IFT46: variants seen among roughly 807,000 people sequenced by gnomAD.
IFT46 encodes the protein intraflagellar transport 46.
A neutral mutation model predicts 39.6 loss-of-function variants in IFT46; 19 were observed. That is an observed-to-expected ratio of 0.48 (90% CI 0.33 to 0.70). The LOEUF is 0.70. Ranked by LOEUF, IFT46 falls within the 30% of genes least tolerant of loss-of-function variation. IFT46 has a pLI of 0.01. For synonymous variants in IFT46, 117 were observed against 134.8 expected, an observed-to-expected ratio of 0.87 and a Z score of 0.91; for missense variants, 334 against 364.8, an observed-to-expected ratio of 0.92 and a Z score of 0.69.
upstream of IFT46, among the ~76,000 whole-genome samples, chr11:118,570,132 C>T (rs1486874237): frequency 6.6e-6 from 1 of 150,784 alleles, no homozygotes; most frequent in Non-Finnish European, 1.5e-5. Context: ...TCACTGCAAC[C>T]CAACCTCCGC....
At chr11:118,572,361 C>CCCCCCCCCCCT in intron 1 of IFT46, 1 of 189,956 alleles carries the variant, frequency 5.3e-6, no homozygotes, top group Admixed American at 6.3e-5. Flanking sequence ...CCCCCCCCCG[C>CCCCCCCCCCCT]CCTTTGACCT....
At chr11:118,572,073 G>C (rs1422518106) in intron 1 of IFT46, among the ~76,000 whole-genome samples, 1 of 148,310 alleles carries the variant, frequency 6.7e-6, no homozygotes, top group African/African-American at 2.5e-5. Context: ...CTGGGCGACA[G>C]AGTGAGACTC....
rs1222446247 is a variant in IFT46, at chr11:118,549,050, C to T, written c.672+2736G>A. On this transcript the variant is annotated intron_variant, in intron 9 of 11. Transcript: ENST00000264021. ...TAGCTGGGATTACAGGTGCCTGCCA[C>T]AACACCCAGCTATTTTTTTAATTTT... 2.0e-5 allele frequency among the ~76,000 whole-genome samples: 3 copies of T among 151,984 alleles called. No homozygotes were observed. In the East Asian group the frequency reaches 5.8e-4, roughly 29 times the overall value.
chr11:118,569,809 T>A (rs146256098), upstream of IFT46, among the ~76,000 whole-genome samples: 118 of 152,316 alleles, frequency 7.7e-4, no homozygotes, highest in Non-Finnish European at 1.3e-3. Flanking sequence ...ATGCTGTAAG[T>A]GTTCAATAAA....
At chr11:118,545,695 A>C (rs1355080554) in intron 10 of IFT46, 98 bp downstream of exon 10, 19 of 1,359,224 alleles carry the variant, frequency 1.4e-5, no homozygotes, top group Non-Finnish European at 1.9e-5. Context: ...TGAAGGCTGA[A>C]ACTCAAGATA....
chr11:118,575,178 C>T (rs1938461797), upstream of IFT46, among the ~76,000 whole-genome samples: 2 of 152,104 alleles, frequency 1.3e-5, no homozygotes, highest in South Asian at 2.1e-4. Flanking sequence ...CGGGGTTTCA[C>T]CATGTTAGCC....
In IFT46 at chr11:118,561,207, C is replaced by T. The variant is rs573260001; in HGVS notation, c.-35-1343G>A. The T allele has an allele frequency of 1.3e-4, 182 of 1,380,610 alleles. 5 individuals are homozygous for T. In the South Asian group the frequency reaches 2.1e-3, roughly 16 times the overall value. 85.5% of individuals were successfully genotyped at this position (1,380,610 alleles called of 1,614,324 possible). A position where few individuals can be genotyped will look rare whatever the true frequency, so the allele number is the denominator to read the frequency against. On this transcript the variant is annotated intron_variant, in intron 2 of 11. Transcript: ENST00000264021. Reference sequence around the variant, plus strand: ...GCTGTGGATGGAGGCTTGTCTGTCCCTCACAGTACCAAACGATTCCCTAGT... The same window carrying T: ...GCTGTGGATGGAGGCTTGTCTGTCCTTCACAGTACCAAACGATTCCCTAGT...
chr11:118,560,265 A>C (rs1272451849), intron 2 of IFT46: 2 of 178,168 alleles, frequency 1.1e-5, no homozygotes, highest in Non-Finnish European at 2.3e-5. Context: ...AAAAAAGAAA[A>C]AAAATTAGCT....
At chr11:118,550,339 C>T (rs1421036339) in intron 9 of IFT46, among the ~76,000 whole-genome samples, 1 of 152,150 alleles carries the variant, frequency 6.6e-6, no homozygotes, top group African/African-American at 2.4e-5. Context: ...TTATAAGACA[C>T]TTGAATTTTT....
At chr11:118,572,591 C>T (rs782599132) in intron 1 of IFT46, 2 of 1,596,624 alleles carry the variant, frequency 1.3e-6, no homozygotes, top group East Asian at 2.3e-5. Context: ...GGGTCCGAGC[C>T]TCACCGTCTC....
Position 118,572,874 on chromosome 11 carries a change from C to T in IFT46, c.-411G>A, listed in dbSNP as rs1220169902. The T allele has an allele frequency of 1.1e-5, 4 of 374,246 alleles. No homozygotes were observed. In the East Asian group the frequency reaches 1.8e-4, roughly 16 times the overall value. The allele number at this position is 374,246 out of a possible 1,614,324, so 23.2% of individuals were successfully genotyped here. A position where few individuals can be genotyped will look rare whatever the true frequency, so the allele number is the denominator to read the frequency against. The stretch of plus-strand genomic sequence containing the variant: ...TCGTGGTGGTGGTGCGGGTCCCAGG[C>T]TGCGGACCTCGGAACTGATGCTGTC... On this transcript the variant is annotated 5_prime_UTR_variant, in exon 1 of 6. Coordinates refer to the IFT46 transcript ENST00000528378.
upstream of IFT46, chr11:118,573,862 A>G (rs1565356355): frequency 7.6e-6 from 4 of 523,218 alleles, no homozygotes; most frequent in Non-Finnish European, 1.4e-5. Flanking sequence ...TTGTATTTTC[A>G]GTTTCTCCAG....
intron 7 of IFT46, among the ~76,000 whole-genome samples, chr11:118,553,681 A>G (rs1555068896): frequency 2.6e-5 from 4 of 152,240 alleles, no homozygotes; most frequent in Non-Finnish European, 4.4e-5. Flanking sequence ...ATAACAATAT[A>G]TACCTACACA....
At chr11:118,557,786 A>G in intron 3 of IFT46, 1 of 1,614,112 alleles carries the variant, frequency 6.2e-7, no homozygotes, top group South Asian at 1.1e-5. Context: ...TCTCAAGTAC[A>G]TGAGAAGGGG....
intron 9 of IFT46, among the ~76,000 whole-genome samples, chr11:118,550,713 T>A (rs1254465476): frequency 6.6e-6 from 1 of 152,190 alleles, no homozygotes; most frequent in Non-Finnish European, 1.5e-5. Flanking sequence ...ATACCCTAAT[T>A]CTATCACCAA....
intron 3 of IFT46, chr11:118,557,978 G>T: frequency 8.6e-7 from 1 of 1,156,284 alleles, no homozygotes; most frequent in Non-Finnish European, 1.2e-6. Flanking sequence ...AGGTTAACAC[G>T]TTTGATTCCA....
At chr11:118,551,046 A>AG (rs1207951305) in intron 9 of IFT46, among the ~76,000 whole-genome samples, 2 of 148,042 alleles carry the variant, frequency 1.4e-5, no homozygotes, top group African/African-American at 5.0e-5. Context: ...AAAAAAAAAA[A>AG]CTATCTTTCT....
chr11:118,557,029 G>C lies in IFT46; in HGVS notation c.62C>G (p.Ser21Ter). Residue 21 changes from serine (S) to a stop codon, truncating the protein, a stop_gained, in exon 4 of 12, where the codon TCA becomes TGA. Transcript: ENST00000264021. LOFTEE classifies it high-confidence loss of function. ...AAAGCCCCGTTGAGGTGTCAACTGT[G>C]AGGTCTTCTTCTTCTCCTGTGATAG... ...EENNKEKKKT[S>*]QLTPQRGFSE... The C allele has an allele frequency of 6.2e-7, 1 of 1,605,342 alleles. No homozygotes were observed. The highest frequency in any genetic ancestry group is 8.5e-7 in the Non-Finnish European group (1 of 1,176,456).
chr11:118,568,990 T>G (rs1405897071), upstream of IFT46, among the ~76,000 whole-genome samples: 1 of 151,622 alleles, frequency 6.6e-6, no homozygotes, highest in Admixed American at 6.6e-5. Flanking sequence ...ATTAGAAAAT[T>G]TAAAAATAGG....
Sources: allele counts gnomAD v4.1 joint callset (sites outside exome capture counted in the v4.1 genomes callset), GRCh38; gene constraint gnomAD v4.1.1; transcripts MANE v1.5; gene names NCBI Gene and HGNC (gene_info 2026-07-23, HGNC 2026-07-21).